SLC5A12: variants seen among roughly 807,000 people sequenced by gnomAD.
SLC5A12 encodes solute carrier family 5 member 12, also known as sodium-coupled monocarboxylate transporter 2.
A neutral mutation model predicts 72.7 loss-of-function variants in SLC5A12; 46 were observed. That is an observed-to-expected ratio of 0.63 (90% CI 0.50 to 0.81). The LOEUF (loss-of-function observed/expected upper bound fraction) is 0.81, where lower values mean the gene tolerates loss of function less well. SLC5A12 is among the 30% of genes least tolerant of loss of function. SLC5A12 has a pLI of 0.00. For synonymous variants in SLC5A12, 275 were observed against 264.4 expected, an observed-to-expected ratio of 1.04 and a Z score of -0.39; for missense variants, 683 against 740.7, an observed-to-expected ratio of 0.92 and a Z score of 0.90.
intron 13 of SLC5A12, among the ~76,000 whole-genome samples, chr11:26,676,634 G>A (rs1253015600): frequency 6.6e-6 from 1 of 152,028 alleles, no homozygotes; most frequent in African/African-American, 2.4e-5. Context: ...CTTGATTTAG[G>A]AAATGATATT....
At chr11:26,693,610 A>T (rs1232207766) in intron 8 of SLC5A12, among the ~76,000 whole-genome samples, 1 of 152,212 alleles carries the variant, frequency 6.6e-6, no homozygotes, top group Non-Finnish European at 1.5e-5. Context: ...TAATATATTC[A>T]ATTCAAGTGA....
At chr11:26,679,743 A>G (rs1168258829) in intron 12 of SLC5A12, among the ~76,000 whole-genome samples, 1 of 152,178 alleles carries the variant, frequency 6.6e-6, no homozygotes, top group Non-Finnish European at 1.5e-5. Context: ...TAACATTAAA[A>G]CCACAGGAAA....
chr11:26,720,749 C>T (rs1855460975), intron 1 of SLC5A12, among the ~76,000 whole-genome samples: 1 of 152,128 alleles, frequency 6.6e-6, no homozygotes, highest in African/African-American at 2.4e-5. Context: ...ACACCACTGC[C>T]TCATTTCCCT....
intron 4 of SLC5A12, among the ~76,000 whole-genome samples, chr11:26,708,191 G>C (rs888525519): frequency 1.3e-5 from 2 of 151,984 alleles, no homozygotes; most frequent in Admixed American, 1.3e-4. Context: ...AGGGAGCTAT[G>C]ATACCTTTTT....
At chr11:26,696,521 T>C (rs1854817980) in intron 8 of SLC5A12, among the ~76,000 whole-genome samples, 1 of 152,214 alleles carries the variant, frequency 6.6e-6, no homozygotes, top group East Asian at 1.9e-4. Flanking sequence ...ATAATGTGCT[T>C]ACACAAACCT....
intron 13 of SLC5A12, among the ~76,000 whole-genome samples, chr11:26,678,008 C>T (rs116347212): frequency 0.012 from 1,785 of 152,234 alleles, 37 homozygotes; most frequent in African/African-American, 0.04. Flanking sequence ...GACATTAATA[C>T]ATCAAAAGGG....
chr11:26,674,550 C>T (rs1854223711), intron 13 of SLC5A12, among the ~76,000 whole-genome samples: 1 of 152,030 alleles, frequency 6.6e-6, no homozygotes. Context: ...CAGGCACGAA[C>T]TACCATGCCC....
intron 1 of SLC5A12, among the ~76,000 whole-genome samples, chr11:26,715,732 A>G (rs1276924612): frequency 6.6e-6 from 1 of 152,138 alleles, no homozygotes; most frequent in Non-Finnish European, 1.5e-5. Context: ...TCTTTCTGAG[A>G]GGAACTCTTT....
chr11:26,679,049 G>A (rs1338073396), intron 12 of SLC5A12, among the ~76,000 whole-genome samples: 1 of 152,014 alleles, frequency 6.6e-6, no homozygotes, highest in Non-Finnish European at 1.5e-5. Flanking sequence ...TTACAATGAG[G>A]ATTGTGTCTT....
intron 1 of SLC5A12, among the ~76,000 whole-genome samples, chr11:26,718,385 C>T (rs1228778515): frequency 6.6e-6 from 1 of 152,202 alleles, no homozygotes; most frequent in African/African-American, 2.4e-5. Context: ...GTAATTTACG[C>T]CAAGGTCATG....
At chr11:26,680,026 AGAG>A (rs1453619229) in intron 12 of SLC5A12, among the ~76,000 whole-genome samples, 2 of 151,988 alleles carry the variant, frequency 1.3e-5, no homozygotes, top group East Asian at 1.9e-4. Context: ...AGGACAATGG[AGAG>A]GAGAAGATAT....
intron 2 of SLC5A12, 68 bp downstream of exon 2, chr11:26,712,573 C>T: frequency 8.0e-7 from 1 of 1,247,508 alleles, no homozygotes; most frequent in Admixed American, 2.0e-5. Flanking sequence ...TTTATTGCCC[C>T]CAAAATAAAC....
Position 26,673,436 on chromosome 11 carries a change from C to G in SLC5A12, c.1673G>C (p.Trp558Ser), listed in dbSNP as rs186212919. ...FWSKKYKTLC[W>S]CGVQHDSGTE... ...CCCACTGTCATGCTGAACTCCACACCAGCATAGTGTTTTGTACTTCTTAGA... is the reference window on the plus strand; with the variant it reads ...CCCACTGTCATGCTGAACTCCACACGAGCATAGTGTTTTGTACTTCTTAGA... Residue 558 changes from tryptophan (W) to serine (S), a missense_variant, in exon 14 of 15, where the codon TGG becomes TCG. Transcript: ENST00000396005. 1.9e-5 allele frequency: 30 copies of G among 1,609,628 alleles called. No homozygotes were observed. The Admixed American group carries it at 4.7e-4, about 25-fold the overall frequency.
chr11:26,700,214 C>A (rs1854924761), intron 6 of SLC5A12, among the ~76,000 whole-genome samples: 3 of 152,112 alleles, frequency 2.0e-5, no homozygotes, highest in African/African-American at 7.2e-5. Flanking sequence ...TTATCCAGAA[C>A]AATCTTATAA....
At chr11:26,686,435 A>C (rs543379159) in intron 10 of SLC5A12, 42 bp downstream of exon 10, 3 of 1,578,732 alleles carry the variant, frequency 1.9e-6, no homozygotes, top group South Asian at 2.2e-5. Context: ...AGTGGGGGGA[A>C]GTTCCAGTGA....
chr11:26,683,878 C>T (rs1337076504), intron 10 of SLC5A12, 35 bp from the exon 11 acceptor site: 3 of 1,533,968 alleles, frequency 2.0e-6, no homozygotes, highest in East Asian at 2.3e-5. Context: ...GAATCCCCTA[C>T]TCAAGGGCAT....
At chr11:26,685,504 A>G (rs1301613379) in intron 10 of SLC5A12, among the ~76,000 whole-genome samples, 4 of 151,982 alleles carry the variant, frequency 2.6e-5, no homozygotes, top group Non-Finnish European at 5.9e-5. Flanking sequence ...GCTACTTGGG[A>G]GGCTGAGGCA....
intron 13 of SLC5A12, 60 bp downstream of exon 13, chr11:26,678,652 C>A: frequency 3.3e-6 from 4 of 1,216,420 alleles, no homozygotes; most frequent in Non-Finnish European, 4.8e-6. Context: ...ACAGCCAGTC[C>A]ACCAATGCAT....
At chr11:26,699,674 C>T (rs1265700090) in intron 6 of SLC5A12, among the ~76,000 whole-genome samples, 1 of 152,102 alleles carries the variant, frequency 6.6e-6, no homozygotes, top group Admixed American at 6.5e-5. Context: ...CTGTCTCCAA[C>T]CTTCAGGCCA....
Sources: gnomAD v4.1 joint callset for allele counts (sites outside exome capture counted in the v4.1 genomes callset) on GRCh38, gnomAD v4.1.1 for gene constraint, MANE v1.5 for transcripts, NCBI Gene and HGNC (gene_info 2026-07-23, HGNC 2026-07-21) for gene names.